The following AUTS2 variants were observed in gnomAD, a reference collection of about 807,000 sequenced individuals.
AUTS2 encodes the protein autism susceptibility gene 2 protein.
A neutral mutation model predicts 112.4 loss-of-function variants in AUTS2; 17 were observed. The ratio of observed to expected loss-of-function variants is 0.15; its 90% CI spans 0.10 to 0.23. The LOEUF (loss-of-function observed/expected upper bound fraction) is 0.23. AUTS2 is among the 10% of genes least tolerant of loss of function. The probability of loss-of-function intolerance (pLI) is 1.00; values close to 1 mark genes in which losing one functional copy is unlikely to be tolerated. For missense variants in AUTS2, 1,510 were observed against 1,701.6 expected, an observed-to-expected ratio of 0.89 and a Z score of 1.98; for synonymous variants, 751 against 702.7, an observed-to-expected ratio of 1.07 and a Z score of -1.09.
chr7:70,706,393 G>A (rs1246950203), intron 6 of AUTS2, among the ~76,000 whole-genome samples: 1 of 152,310 alleles, frequency 6.6e-6, no homozygotes, highest in Admixed American at 6.5e-5. Context: ...GCCATCAATG[G>A]AGTAGGAAGT....
At chr7:70,533,547 C>T (rs900661644) in intron 5 of AUTS2, among the ~76,000 whole-genome samples, 8 of 152,174 alleles carry the variant, frequency 5.3e-5, no homozygotes, top group African/African-American at 1.7e-4. Flanking sequence ...TGTTTTCTCC[C>T]GTGGCAGAAC....
At chr7:70,388,913 A>G (rs1313629913) in intron 4 of AUTS2, among the ~76,000 whole-genome samples, 1 of 152,158 alleles carries the variant, frequency 6.6e-6, no homozygotes, top group East Asian at 1.9e-4. Flanking sequence ...AGTGAATTCA[A>G]ACTCAATGAG....
At chr7:70,692,931 CT>C (rs1189055685) in intron 5 of AUTS2, among the ~76,000 whole-genome samples, 1 of 152,224 alleles carries the variant, frequency 6.6e-6, no homozygotes, top group Non-Finnish European at 1.5e-5. Flanking sequence ...CTCTTCCTCT[CT>C]TCCTCCAGCC....
chr7:69,785,681 A>C (rs753497866), intron 1 of AUTS2, among the ~76,000 whole-genome samples: 53 of 152,170 alleles, frequency 3.5e-4, no homozygotes, highest in Non-Finnish European at 3.1e-4. Context: ...GATAAACAGG[A>C]GTTATATTTG....
intron 4 of AUTS2, among the ~76,000 whole-genome samples, chr7:70,349,772 GA>G (rs1399337326): frequency 6.6e-6 from 1 of 152,042 alleles, no homozygotes; most frequent in Admixed American, 6.5e-5. Context: ...CTGAATTTAA[GA>G]AAGAGTTGAT....
chr7:69,741,700 G>A lies in AUTS2; in HGVS notation c.309+141738G>A, dbSNP rs538396425. 1.2e-4 allele frequency among the ~76,000 whole-genome samples: 17 copies of A among 147,600 alleles called. No homozygotes were observed. In the South Asian group the frequency reaches 2.6e-3, roughly 22 times the overall value. On this transcript the variant is annotated intron_variant, in intron 1 of 18. Coordinates refer to ENST00000342771, the MANE Select transcript of AUTS2 (RefSeq NM_015570.4). ...AGCCTGAGCAGCAGAGCAAAACCCTGTCTTAAAAAAAAAAAAAAATCCATA... is the reference window on the plus strand; with the variant it reads ...AGCCTGAGCAGCAGAGCAAAACCCTATCTTAAAAAAAAAAAAAAATCCATA...
chr7:70,147,319 CTT>C (rs769462682), intron 4 of AUTS2, among the ~76,000 whole-genome samples: 24 of 151,804 alleles, frequency 1.6e-4, no homozygotes, highest in Non-Finnish European at 1.9e-4. Flanking sequence ...GATGTTATAA[CTT>C]TTTCAAAGGT....
chr7:70,783,104 C>T (rs1294238352), intron 15 of AUTS2: 2 of 152,188 alleles, frequency 1.3e-5, no homozygotes, highest in African/African-American at 4.8e-5. Flanking sequence ...TCTGGAACTG[C>T]AAGGCACCCC....
chr7:70,316,049 A>C (rs1215343709), intron 4 of AUTS2, among the ~76,000 whole-genome samples: 1 of 152,242 alleles, frequency 6.6e-6, no homozygotes, highest in Non-Finnish European at 1.5e-5. Flanking sequence ...GATGCCCTGC[A>C]TAGAGTTAGA....
chr7:69,717,680 G>C (rs991457747), intron 1 of AUTS2, among the ~76,000 whole-genome samples: 6 of 152,176 alleles, frequency 3.9e-5, no homozygotes, highest in Non-Finnish European at 8.8e-5. Context: ...CTTTGTGAAG[G>C]GGGTGGAGGT....
At chr7:70,732,375 G>T (rs1787468940) in intron 6 of AUTS2, among the ~76,000 whole-genome samples, 1 of 152,118 alleles carries the variant, frequency 6.6e-6, no homozygotes, top group East Asian at 1.9e-4. Flanking sequence ...CTAGAGAAGA[G>T]GGGGTGAAGG....
chr7:70,572,182 G>A (rs1404704746), intron 5 of AUTS2, among the ~76,000 whole-genome samples: 14 of 152,120 alleles, frequency 9.2e-5, no homozygotes, highest in Non-Finnish European at 2.1e-4. Context: ...GCAGACCCAC[G>A]TGACACATGC....
chr7:70,127,416 C>A (rs529476269), intron 3 of AUTS2, among the ~76,000 whole-genome samples: 2 of 152,326 alleles, frequency 1.3e-5, no homozygotes, highest in South Asian at 4.2e-4. Context: ...GGATTATACA[C>A]ATGAGCCTCC....
At chr7:69,699,892 G>C (rs1392615541) in intron 1 of AUTS2, among the ~76,000 whole-genome samples, 2 of 152,006 alleles carry the variant, frequency 1.3e-5, no homozygotes, top group African/African-American at 4.8e-5. Context: ...TGATCTGCCC[G>C]CCTCGGCCTC....
chr7:69,768,699 G>T (rs568176279), intron 1 of AUTS2, among the ~76,000 whole-genome samples: 4 of 152,170 alleles, frequency 2.6e-5, no homozygotes, highest in Admixed American at 2.6e-4. Context: ...GTTATGTGTC[G>T]TTGGGCAAGG....
intron 2 of AUTS2, among the ~76,000 whole-genome samples, chr7:69,920,411 T>G (rs1361684545): frequency 6.6e-6 from 1 of 151,908 alleles, no homozygotes; most frequent in Non-Finnish European, 1.5e-5. Context: ...TTCAGTCCCC[T>G]AAGCAGCTGG....
At chr7:70,418,463 C>T (rs1010266663) in intron 4 of AUTS2, among the ~76,000 whole-genome samples, 1 of 152,228 alleles carries the variant, frequency 6.6e-6, no homozygotes, top group Non-Finnish European at 1.5e-5. Flanking sequence ...ACTTTCCCAG[C>T]TTCTGCTGTT....
chr7:70,305,821 T>A (rs1271400019), intron 4 of AUTS2, among the ~76,000 whole-genome samples: 1 of 152,252 alleles, frequency 6.6e-6, no homozygotes, highest in Non-Finnish European at 1.5e-5. Flanking sequence ...AATGCCTTTA[T>A]AATATGTGTA....
chr7:70,607,012 G>T (rs954063533), intron 5 of AUTS2, among the ~76,000 whole-genome samples: 1 of 152,170 alleles, frequency 6.6e-6, no homozygotes, highest in African/African-American at 2.4e-5. Flanking sequence ...GCGAGCCCCA[G>T]TTCCCACCTG....
Sources: gnomAD v4.1 joint callset for allele counts (sites outside exome capture counted in the v4.1 genomes callset) on GRCh38, gnomAD v4.1.1 for gene constraint, MANE v1.5 for transcripts, NCBI Gene and HGNC (gene_info 2026-07-23, HGNC 2026-07-21) for gene names.